BBX: variants seen among roughly 807,000 people sequenced by gnomAD.
The protein encoded by BBX is HMG box transcription factor BBX.
In BBX, 30 loss-of-function variants were observed where a neutral mutation model predicts 100.2. That is an observed-to-expected ratio of 0.30 (90% confidence interval 0.22 to 0.41). BBX has a LOEUF of 0.41. Among genes scored for constraint, BBX ranks in the 10% least tolerant of loss-of-function variants. BBX has a pLI of 1.00. For synonymous variants in BBX, 376 were observed against 388.1 expected (o/e 0.97, Z 0.37); for missense variants, 1,023 against 1,129.8 (o/e 0.91, Z 1.35).
At chr3:107,557,089 G>A (rs2050143039) in intron 2 of BBX, among the ~76,000 whole-genome samples, 1 of 152,138 alleles carries the variant, frequency 6.6e-6, no homozygotes, top group South Asian at 2.1e-4. Context: ...TACAGTTTGA[G>A]TATTAACAAA....
At chr3:107,688,368 AAAGT>A (rs2059967084) in intron 3 of BBX, among the ~76,000 whole-genome samples, 1 of 152,232 alleles carries the variant, frequency 6.6e-6, no homozygotes, top group African/African-American at 2.4e-5. Flanking sequence ...GTTGATGCCC[AAAGT>A]AAGAGAATCC....
intron 3 of BBX, among the ~76,000 whole-genome samples, chr3:107,674,037 C>G (rs999437686): frequency 3.3e-5 from 5 of 152,082 alleles, no homozygotes; most frequent in African/African-American, 1.2e-4. Flanking sequence ...AAAATGCATT[C>G]AAACATATAT....
intron 2 of BBX, among the ~76,000 whole-genome samples, chr3:107,582,949 C>G (rs866470097): frequency 6.6e-6 from 1 of 151,714 alleles, no homozygotes. Flanking sequence ...TATAAAAGTT[C>G]TACAATGCTG....
chr3:107,789,252 A>G (rs1037865722), intron 13 of BBX, among the ~76,000 whole-genome samples: 9 of 152,134 alleles, frequency 5.9e-5, no homozygotes, highest in Non-Finnish European at 1.2e-4. Context: ...CCTTCCAACC[A>G]GAATAAAGTT....
intron 2 of BBX, among the ~76,000 whole-genome samples, chr3:107,611,375 T>A (rs1408357545): frequency 1.3e-5 from 2 of 152,180 alleles, no homozygotes; most frequent in Non-Finnish European, 2.9e-5. Flanking sequence ...TGTCTTTTTC[T>A]TTCAGATTGA....
intron 2 of BBX, chr3:107,599,605 TG>T (rs2053919066): frequency 6.6e-6 from 1 of 151,880 alleles, no homozygotes; most frequent in Non-Finnish European, 1.5e-5. Context: ...GCTTGAAAAA[TG>T]GAAAGGTGTT....
intron 3 of BBX, among the ~76,000 whole-genome samples, chr3:107,707,983 A>G (rs1560012528): frequency 1.3e-5 from 2 of 152,152 alleles, no homozygotes. Context: ...TTTCCCACTG[A>G]TTTCTTTTAC....
chr3:107,554,620 C>T, intron 2 of BBX, among the ~76,000 whole-genome samples: 1 of 152,108 alleles, frequency 6.6e-6, no homozygotes, highest in Non-Finnish European at 1.5e-5. Flanking sequence ...TTTATTCTGT[C>T]TAGTTTCTGT....
intron 4 of BBX, chr3:107,711,233 A>G (rs751590937): frequency 6.9e-6 from 3 of 437,008 alleles, no homozygotes; most frequent in Non-Finnish European, 1.4e-5. Flanking sequence ...GCTATTTGCC[A>G]TGTATTTAGC....
intron 2 of BBX, chr3:107,526,658 C>A (rs1207623940): frequency 1.1e-5 from 3 of 275,786 alleles, no homozygotes; most frequent in African/African-American, 6.5e-5. Context: ...CTCAAATAGA[C>A]ATTTTAATTT....
intron 2 of BBX, among the ~76,000 whole-genome samples, chr3:107,632,769 G>C (rs895781232): frequency 4.6e-5 from 7 of 152,136 alleles, no homozygotes; most frequent in Admixed American, 3.9e-4. Flanking sequence ...TCTCTACCCT[G>C]CAAGGTCAGC....
At chr3:107,590,130 C>T (rs606028) in intron 2 of BBX, among the ~76,000 whole-genome samples, 40,288 of 151,872 alleles carry the variant, frequency 0.27, 6,366 homozygotes, top group Middle Eastern at 0.37. Flanking sequence ...ATAATCATTT[C>T]GTGGGACCTT....
rs911304274 is a variant in BBX at position 107,810,370 on chromosome 3, G to T, written c.*4913G>T. 6.6e-6 allele frequency: 1 copy of T among 152,090 alleles called. No homozygotes were observed. Among genetic ancestry groups the T allele is most frequent in the Non-Finnish European group, 1.5e-5 (1 of 68,010 alleles). The allele number at this position is 152,090 out of a possible 1,614,324, so 9.4% of individuals were successfully genotyped here. A position where few individuals can be genotyped will look rare whatever the true frequency, so the allele number is the denominator to read the frequency against. ...TCAAAACTGATCATGTGCTTAAATCGATTTTTATGCACAGAACTAGTTATT... is the reference window on the plus strand; with the variant it reads ...TCAAAACTGATCATGTGCTTAAATCTATTTTTATGCACAGAACTAGTTATT... On this transcript the variant is annotated 3_prime_UTR_variant, in exon 18 of 18. Coordinates refer to ENST00000325805, the MANE Select transcript of BBX (RefSeq NM_001142568.3).
Position 107,697,585 on chromosome 3 carries a change from C to G in BBX, c.-9-12867C>G, listed in dbSNP as rs886570116. Among the ~76,000 whole-genome samples, 14 of 151,996 alleles carry G rather than the reference C, an allele frequency of 9.2e-5. 1 individual carries two copies. Among genetic ancestry groups the G allele is most frequent in the Admixed American group, 3.3e-4 (5 of 15,292 alleles). ...ATCTCCAGCCGCGTGCTGGGAGAAC[C>G]GCTGCTCTCTTCAAAGCTGTCAGAC... On this transcript the variant is annotated intron_variant, in intron 3 of 17. Coordinates refer to ENST00000325805, the MANE Select transcript of BBX (RefSeq NM_001142568.3).
At chr3:107,635,514 C>T (rs1477626761) in intron 2 of BBX, among the ~76,000 whole-genome samples, 1 of 152,042 alleles carries the variant, frequency 6.6e-6, no homozygotes, top group Non-Finnish European at 1.5e-5. Context: ...TGAAACTTAT[C>T]TTTATAGGAA....
chr3:107,605,050 C>T (rs891776752), intron 2 of BBX, among the ~76,000 whole-genome samples: 2 of 152,144 alleles, frequency 1.3e-5, no homozygotes, highest in African/African-American at 2.4e-5. Context: ...ATTCAGTACT[C>T]GGTGAGATGC....
At position 107,560,205 on chromosome 3, in the gene BBX, A is replaced by G. The variant is rs1320836977; in HGVS notation, c.-84+33807A>G. Among the ~76,000 whole-genome samples, 3 of 148,302 alleles carry G rather than the reference A, an allele frequency of 2.0e-5. No homozygotes were observed. In the East Asian group the frequency reaches 5.9e-4, roughly 29 times the overall value. ...CAGTGTAGGGAAAATAATGGGAAACATGAAAAAAAAAAAATAACAAACCTC... is the reference window on the plus strand; with the variant it reads ...CAGTGTAGGGAAAATAATGGGAAACGTGAAAAAAAAAAAATAACAAACCTC... On this transcript the variant is annotated intron_variant, in intron 2 of 17. Transcript: ENST00000325805.
At chr3:107,784,514 A>G (rs1009479562) in intron 13 of BBX, among the ~76,000 whole-genome samples, 4 of 151,958 alleles carry the variant, frequency 2.6e-5, no homozygotes, top group Non-Finnish European at 4.4e-5. Flanking sequence ...AATTGGAGAA[A>G]CTCACGAATA....
chr3:107,589,855 T>G (rs188216700), intron 2 of BBX, among the ~76,000 whole-genome samples: 2 of 152,352 alleles, frequency 1.3e-5, no homozygotes, highest in Admixed American at 1.3e-4. Context: ...AAACAAAATT[T>G]GTTTTAAAGT....
Sources: allele counts gnomAD v4.1 joint callset (sites outside exome capture counted in the v4.1 genomes callset), GRCh38; gene constraint gnomAD v4.1.1; transcripts MANE v1.5; gene names NCBI Gene and HGNC (gene_info 2026-07-23, HGNC 2026-07-21).